The following TMEFF2 variants were observed in gnomAD, a reference collection of about 807,000 sequenced individuals.
The protein encoded by TMEFF2 is transmembrane protein with EGF like and two follistatin like domains 2, also known as tomoregulin-2.
TMEFF2 carries 28 observed loss-of-function variants against 53.8 expected under a neutral mutation model. The observed-to-expected ratio is 0.52, with a 90% CI of 0.39 to 0.71. The LOEUF (loss-of-function observed/expected upper bound fraction) is 0.71, where lower values mean the gene tolerates loss of function less well. TMEFF2 is among the 30% of genes least tolerant of loss of function. The probability of loss-of-function intolerance (pLI) is 0.00; values close to 1 mark genes in which losing one functional copy is unlikely to be tolerated. For synonymous variants in TMEFF2, 162 were observed against 166.3 expected (o/e 0.97, Z 0.20); for missense variants, 353 against 455.2 (o/e 0.78, Z 2.04).
chr2:192,133,871 G>A lies in TMEFF2; in HGVS notation c.439+45797C>T, dbSNP rs551832845. Among the ~76,000 whole-genome samples, 3 of 152,208 alleles carry A rather than the reference G, an allele frequency of 2.0e-5. No homozygotes were observed. The South Asian group carries it at 6.2e-4, about 32-fold the overall frequency. On this transcript the variant is annotated intron_variant, in intron 4 of 9. Coordinates refer to ENST00000272771, the MANE Select transcript of TMEFF2 (RefSeq NM_016192.4). ...CGGCATAATTCTCGTAAAAACACAC[G>A]TGCTCTCCCTGCTGATCGTGTCCGA... is the stretch of plus-strand genomic sequence containing the variant.
intron 7 of TMEFF2, among the ~76,000 whole-genome samples, chr2:191,972,478 T>C (rs1428428683): frequency 6.6e-6 from 1 of 151,796 alleles, no homozygotes; most frequent in Non-Finnish European, 1.5e-5. Flanking sequence ...TAAAGATCAA[T>C]GGGAAAGCAT....
intron 7 of TMEFF2, among the ~76,000 whole-genome samples, chr2:191,975,501 A>G (rs1192221339): frequency 6.6e-6 from 1 of 151,498 alleles, no homozygotes; most frequent in Non-Finnish European, 1.5e-5. Flanking sequence ...CTCAAATGTT[A>G]CTGAGTGTAT....
At chr2:192,189,260 C>A (rs368557658) in intron 2 of TMEFF2, among the ~76,000 whole-genome samples, 1 of 151,902 alleles carries the variant, frequency 6.6e-6, no homozygotes, top group African/African-American at 2.4e-5. Context: ...CTATAGATTG[C>A]AGGCTGGGTG....
At chr2:191,957,738 T>C (rs1474080137) in intron 7 of TMEFF2, among the ~76,000 whole-genome samples, 3 of 152,176 alleles carry the variant, frequency 2.0e-5, no homozygotes, top group African/African-American at 7.2e-5. Context: ...CCCAAATTTG[T>C]AAGGGATTTA....
chr2:191,978,063 TCTA>T (rs1685773245), intron 7 of TMEFF2, among the ~76,000 whole-genome samples: 2 of 152,212 alleles, frequency 1.3e-5, no homozygotes. Flanking sequence ...CAAAATTTTC[TCTA>T]CTTCTTTTTT....
chr2:191,951,545 T>A (rs1031225316), intron 9 of TMEFF2, among the ~76,000 whole-genome samples: 1 of 152,122 alleles, frequency 6.6e-6, no homozygotes, highest in African/African-American at 2.4e-5. Context: ...CTTCTGCTTG[T>A]TGCAATTTTG....
intron 4 of TMEFF2, among the ~76,000 whole-genome samples, chr2:192,067,130 C>T (rs1165887002): frequency 6.6e-6 from 1 of 151,740 alleles, no homozygotes; most frequent in Non-Finnish European, 1.5e-5. Flanking sequence ...TGCATCATTA[C>T]TTGGATAAAA....
At chr2:192,162,566 C>A (rs774445170) in intron 4 of TMEFF2, among the ~76,000 whole-genome samples, 10 of 152,066 alleles carry the variant, frequency 6.6e-5, no homozygotes, top group Non-Finnish European at 1.2e-4. Context: ...ACTACACAAA[C>A]CTACAAAATT....
intron 4 of TMEFF2, among the ~76,000 whole-genome samples, chr2:192,172,009 C>T (rs1319268137): frequency 6.6e-6 from 1 of 151,942 alleles, no homozygotes; most frequent in East Asian, 1.9e-4. Context: ...ACTCAGATAG[C>T]TTACAGTTGA....
At position 192,194,495 on chromosome 2, in the gene TMEFF2, G is replaced by GGGACTCCCA; in HGVS notation, c.29_30insTGGGAGTCC (p.Cys10_Ser11insGlySerPro). On this transcript the variant is annotated inframe_insertion, in exon 1 of 10. Coordinates refer to ENST00000272771, the MANE Select transcript of TMEFF2 (RefSeq NM_016192.4). The surrounding 1 kb of genome is among the most constrained non-coding windows in gnomAD (Gnocchi z 4.2). ...AGCCCTCGCAAAGTGTCCAGCTGCT[G>GGGACTCCCA]CACTGCCGCGGGGACTCCCACAGCA... 6.2e-7 allele frequency: 1 copy of GGGACTCCCA among 1,613,844 alleles called. No individual in the cohort carries two copies. Among genetic ancestry groups the GGGACTCCCA allele is most frequent in the Non-Finnish European group, 8.5e-7 (1 of 1,180,020 alleles).
chr2:192,016,788 T>C (rs975825961), intron 5 of TMEFF2, among the ~76,000 whole-genome samples: 6 of 152,204 alleles, frequency 3.9e-5, no homozygotes, highest in African/African-American at 7.2e-5. Context: ...CAGAAAGCTG[T>C]AGAAGAAAAA....
intron 7 of TMEFF2, among the ~76,000 whole-genome samples, chr2:191,987,438 A>G (rs1206868846): frequency 1.3e-5 from 2 of 150,976 alleles, no homozygotes; most frequent in African/African-American, 4.9e-5. Context: ...ACAGAGTCTC[A>G]CTCTGTTATC....
Position 192,194,232 on chromosome 2 carries a change from AG to A in TMEFF2, c.172+120del. On this transcript the variant is annotated intron_variant, in intron 1 of 9. Transcript: ENST00000272771. The surrounding 1 kb of genome is among the most constrained non-coding windows in gnomAD (Gnocchi z 4.2). ...TCTCTGGATAGAGGTGGGTGGTATT[AG>A]GGGTCTAGGGCAGTAGGAGGTGAGG... The A allele has an allele frequency of 8.6e-7, 1 of 1,161,758 alleles. No homozygotes were observed. Among genetic ancestry groups the A allele is most frequent in the Non-Finnish European group, 1.2e-6 (1 of 804,004 alleles). 72.0% of individuals were successfully genotyped at this position (1,161,758 alleles called of 1,614,324 possible).
intron 7 of TMEFF2, among the ~76,000 whole-genome samples, chr2:191,968,716 T>G (rs1171236884): frequency 6.6e-6 from 1 of 152,162 alleles, no homozygotes; most frequent in Non-Finnish European, 1.5e-5. Context: ...ACTTACACTG[T>G]GAGATGCCAG....
At chr2:192,169,002 T>C (rs1320018391) in intron 4 of TMEFF2, among the ~76,000 whole-genome samples, 1 of 151,990 alleles carries the variant, frequency 6.6e-6, no homozygotes, top group East Asian at 1.9e-4. Flanking sequence ...TATAAGCACA[T>C]GCCATCACAC....
chr2:192,168,010 T>C (rs1176993064), intron 4 of TMEFF2, among the ~76,000 whole-genome samples: 2 of 152,068 alleles, frequency 1.3e-5, no homozygotes, highest in Non-Finnish European at 2.9e-5. Flanking sequence ...CTATGAAACG[T>C]TGTTGGTTGA....
chr2:192,126,824 A>T (rs1015624698), intron 4 of TMEFF2, among the ~76,000 whole-genome samples: 1 of 150,212 alleles, frequency 6.7e-6, no homozygotes, highest in Admixed American at 6.6e-5. Flanking sequence ...GTTGCCTTCT[A>T]ACTACAAAAA....
intron 7 of TMEFF2, among the ~76,000 whole-genome samples, chr2:191,957,869 A>G (rs1355686248): frequency 2.0e-5 from 3 of 152,232 alleles, no homozygotes; most frequent in African/African-American, 7.2e-5. Flanking sequence ...TTGCACATCG[A>G]TAGCAGCTAT....
At chr2:191,964,364 CTTTCTT>C (rs1692385546) in intron 7 of TMEFF2, among the ~76,000 whole-genome samples, 1 of 93,490 alleles carries the variant, frequency 1.1e-5, no homozygotes, top group Non-Finnish European at 2.1e-5. Flanking sequence ...TTCTTTCTTT[CTTTCTT>C]TCTCTTTCTT....
Sources: allele counts gnomAD v4.1 joint callset (sites outside exome capture counted in the v4.1 genomes callset), GRCh38; gene constraint gnomAD v4.1.1; non-coding constraint Gnocchi (gnomAD v3.1); transcripts MANE v1.5; gene names NCBI Gene and HGNC (gene_info 2026-07-23, HGNC 2026-07-21).